The following DOCK2 variants were observed in gnomAD, a reference collection of about 807,000 sequenced individuals.
The protein encoded by DOCK2 is dedicator of cytokinesis 2.
In DOCK2, 87 loss-of-function variants were observed where a neutral mutation model predicts 248.9. That is an observed-to-expected ratio of 0.35 (90% CI 0.29 to 0.42). The LOEUF (loss-of-function observed/expected upper bound fraction) is 0.42. DOCK2 is among the 10% of genes least tolerant of loss of function. DOCK2 has a pLI of 1.00. For synonymous variants in DOCK2, 805 were observed against 821.6 expected (o/e 0.98, Z 0.35); for missense variants, 1,747 against 2,300.2 (o/e 0.76, Z 4.92).
At chr5:169,999,037 C>T (rs116528276) in intron 30 of DOCK2, among the ~76,000 whole-genome samples, 1,724 of 152,264 alleles carry the variant, frequency 0.011, 31 homozygotes, top group African/African-American at 0.037. Flanking sequence ...CATCTCTTTC[C>T]GTGGGTATCG....
At chr5:169,810,702 T>C (rs1767682838) in intron 26 of DOCK2, among the ~76,000 whole-genome samples, 1 of 152,188 alleles carries the variant, frequency 6.6e-6, no homozygotes, top group Admixed American at 6.5e-5. Flanking sequence ...GACTGGTCTC[T>C]TTGGGGGATT....
At chr5:169,891,496 T>A (rs1413164405) in intron 27 of DOCK2, among the ~76,000 whole-genome samples, 1 of 152,204 alleles carries the variant, frequency 6.6e-6, no homozygotes, top group Non-Finnish European at 1.5e-5. Flanking sequence ...AGCAGTAAAA[T>A]CAGCTTTCCA....
At chr5:170,008,226 A>AAC (rs765464542) in intron 30 of DOCK2, among the ~76,000 whole-genome samples, 1,148 of 34,590 alleles carry the variant, frequency 0.033, 9 homozygotes, top group Non-Finnish European at 0.053. Context: ...CAACAACAAC[A>AAC]AAAAAAAAAA....
chr5:169,972,910 T>G (rs1033482662), intron 27 of DOCK2, among the ~76,000 whole-genome samples: 27 of 152,206 alleles, frequency 1.8e-4, no homozygotes, highest in African/African-American at 6.3e-4. Context: ...ACCACCCCCC[T>G]CCCCAATAAG....
intron 34 of DOCK2, among the ~76,000 whole-genome samples, chr5:170,029,384 G>C (rs1175467687): frequency 2.0e-5 from 3 of 152,128 alleles, no homozygotes; most frequent in Admixed American, 6.5e-5. Flanking sequence ...TGTGCTTATG[G>C]GTCGCTTGTA....
intron 48 of DOCK2, 70 bp from the exon 49 acceptor site, chr5:170,078,905 T>G: frequency 6.4e-7 from 1 of 1,574,338 alleles, no homozygotes; most frequent in Non-Finnish European, 8.7e-7. Context: ...TTCAGCTTCC[T>G]GGGTCCTTGC....
chr5:170,002,583 C>A (rs1396527453), intron 30 of DOCK2, among the ~76,000 whole-genome samples: 1 of 152,078 alleles, frequency 6.6e-6, no homozygotes, highest in African/African-American at 2.4e-5. Context: ...ATTTTTTTAA[C>A]TATGTGTGTA....
chr5:169,934,604 T>C (rs1335264223), intron 27 of DOCK2: 1 of 455,924 alleles, frequency 2.2e-6, no homozygotes. Flanking sequence ...CTGTCTGACC[T>C]TGGGCAAGAT....
chr5:170,081,774 C>CT, intron 50 of DOCK2, 68 bp from the exon 51 acceptor site: 1 of 886,952 alleles, frequency 1.1e-6, no homozygotes, highest in South Asian at 1.8e-5. Context: ...CTCCCCCTGT[C>CT]TACCTCCCCC....
intron 27 of DOCK2, among the ~76,000 whole-genome samples, chr5:169,895,398 G>T (rs939515165): frequency 6.6e-6 from 1 of 152,094 alleles, no homozygotes; most frequent in African/African-American, 2.4e-5. Context: ...GACTAGGAAA[G>T]GCACTGAGCT....
chr5:169,797,947 G>C (rs935276119), intron 25 of DOCK2, among the ~76,000 whole-genome samples: 15 of 152,164 alleles, frequency 9.9e-5, no homozygotes, highest in African/African-American at 3.4e-4. Flanking sequence ...AGAAATCATG[G>C]TTAAAGAGAA....
chr5:169,738,197 G>A (rs914881084), intron 22 of DOCK2, among the ~76,000 whole-genome samples: 5 of 152,200 alleles, frequency 3.3e-5, no homozygotes, highest in African/African-American at 7.2e-5. Context: ...GGAAAGTAGC[G>A]TGTGTTTTTT....
intron 35 of DOCK2, 85 bp downstream of exon 35, chr5:170,034,640 T>C (rs1756260267): frequency 7.8e-6 from 12 of 1,546,854 alleles, no homozygotes; most frequent in East Asian, 4.7e-5. Flanking sequence ...TTGTTCTTCA[T>C]AGGGAAGCAG....
In DOCK2 at chr5:170,069,291, C is replaced by T. The variant is rs1037976171; in HGVS notation, c.4728+71C>T. Reference sequence around the variant, plus strand: ...CCCCCACCGTGGTTCACTTGCCCCACGCTAGGCTCTAGCTGAGGCAGCCTG... The same window carrying T: ...CCCCCACCGTGGTTCACTTGCCCCATGCTAGGCTCTAGCTGAGGCAGCCTG... On this transcript the variant is annotated intron_variant, in intron 46 of 51. Coordinates refer to ENST00000520908, the MANE Select transcript of DOCK2 (RefSeq NM_004946.3). 3.0e-5 allele frequency: 46 copies of T among 1,516,794 alleles called. 1 individual carries two copies. The highest frequency in any genetic ancestry group is 2.1e-4 in the East Asian group (9 of 42,634). The allele number at this position is 1,516,794 out of a possible 1,614,324, so 94.0% of individuals were successfully genotyped here. A position where few individuals can be genotyped will look rare whatever the true frequency, so the allele number is the denominator to read the frequency against.
At chr5:170,062,659 C>T (rs561470509) in intron 44 of DOCK2, among the ~76,000 whole-genome samples, 1 of 152,298 alleles carries the variant, frequency 6.6e-6, no homozygotes, top group African/African-American at 2.4e-5. Context: ...TGGCTCTTAA[C>T]TTATCAACTC....
At chr5:169,920,950 G>GA (rs1469355921) in intron 27 of DOCK2, among the ~76,000 whole-genome samples, 3 of 152,196 alleles carry the variant, frequency 2.0e-5, no homozygotes, top group Non-Finnish European at 4.4e-5. Flanking sequence ...CAGTTTATTA[G>GA]ATGAACTGAG....
At chr5:169,642,048 G>A (rs1286197889) in intron 1 of DOCK2, among the ~76,000 whole-genome samples, 1 of 152,224 alleles carries the variant, frequency 6.6e-6, no homozygotes, top group African/African-American at 2.4e-5. Context: ...CCTCTAGCAG[G>A]AGCCATGGGT....
intron 25 of DOCK2, among the ~76,000 whole-genome samples, chr5:169,762,038 A>G (rs1247555918): frequency 6.6e-6 from 1 of 152,248 alleles, no homozygotes; most frequent in Non-Finnish European, 1.5e-5. Context: ...CCTAGCTCGA[A>G]GAGTCTAATT....
intron 27 of DOCK2, among the ~76,000 whole-genome samples, chr5:169,874,541 GTGACCA>G (rs1232606478): frequency 2.0e-5 from 3 of 152,106 alleles, no homozygotes; most frequent in African/African-American, 7.2e-5. Context: ...CAAGCAAGGG[GTGACCA>G]TACCCCTATC....
Sources: gnomAD v4.1 joint callset for allele counts (sites outside exome capture counted in the v4.1 genomes callset) on GRCh38, gnomAD v4.1.1 for gene constraint, MANE v1.5 for transcripts, NCBI Gene and HGNC (gene_info 2026-07-23, HGNC 2026-07-21) for gene names.